Variants in CLEC6A observed in about 807,000 individuals in gnomAD.
The protein encoded by CLEC6A is C-type lectin domain containing 6A, also known as C-type lectin domain family 6 member A.
Under a neutral mutation model 25.7 loss-of-function variants are expected in CLEC6A, and 22 were observed. The ratio of observed to expected loss-of-function variants is 0.85; its 90% CI spans 0.61 to 1.22. The LOEUF (loss-of-function observed/expected upper bound fraction) is 1.22, where lower values mean the gene tolerates loss of function less well. Among genes scored for constraint, CLEC6A ranks in the 50% most tolerant of loss-of-function variants. The pLI is 0.00. For missense variants in CLEC6A, 240 were observed against 236.8 expected, an observed-to-expected ratio of 1.01 and a Z score of -0.09; for synonymous variants, 92 against 76.7, an observed-to-expected ratio of 1.20 and a Z score of -1.04.
At chr12:8,474,947 A>G (rs1024057329) in intron 4 of CLEC6A, among the ~76,000 whole-genome samples, 4 of 152,116 alleles carry the variant, frequency 2.6e-5, no homozygotes, top group Non-Finnish European at 4.4e-5. Context: ...GGTTTGTTAC[A>G]TAGGTATACA....
intron 4 of CLEC6A, among the ~76,000 whole-genome samples, chr12:8,469,365 C>G (rs1014749832): frequency 3.3e-5 from 5 of 151,870 alleles, no homozygotes; most frequent in Admixed American, 3.3e-4. Flanking sequence ...TTGCCAAAAG[C>G]AGTCTACAAA....
intron 3 of CLEC6A, chr12:8,460,783 A>G (rs1939743348): frequency 6.0e-6 from 8 of 1,341,014 alleles, no homozygotes; most frequent in South Asian, 3.5e-5. Context: ...CTACAAGGCC[A>G]AACAAGGTTA....
intron 1 of CLEC6A, 37 bp from the exon 2 acceptor site, chr12:8,457,861 C>T: frequency 6.6e-7 from 1 of 1,522,310 alleles, no homozygotes; most frequent in Non-Finnish European, 9.1e-7. Context: ...TCCCTGGCCC[C>T]CTGGTAACTG....
At chr12:8,470,963 C>T (rs769802210) in intron 4 of CLEC6A, among the ~76,000 whole-genome samples, 31 of 152,120 alleles carry the variant, frequency 2.0e-4, no homozygotes, top group Admixed American at 1.8e-3. Context: ...TGTTGAGATA[C>T]TTTCCTTCTG....
chr12:8,474,876 ACTTT>A (rs1327161121), intron 4 of CLEC6A, among the ~76,000 whole-genome samples: 7 of 152,078 alleles, frequency 4.6e-5, no homozygotes, highest in Non-Finnish European at 4.4e-5. Context: ...GTAATTTGCT[ACTTT>A]CTTTCTTTTT....
Position 8,476,109 on chromosome 12 carries a change from T to G in CLEC6A, c.370-16T>G. The G allele has an allele frequency of 6.4e-7, 1 of 1,557,674 alleles. No individual in the cohort carries two copies. The highest frequency in any genetic ancestry group is 2.2e-5 in the East Asian group (1 of 44,564). ...AAATACCAAAGTCTTTGACTCCTTTTTTTTCCTTCATGCAGAATTTCATTG... is the reference window on the plus strand; with the variant it reads ...AAATACCAAAGTCTTTGACTCCTTTGTTTTCCTTCATGCAGAATTTCATTG... On this transcript the variant is annotated splice_polypyrimidine_tract_variant and intron_variant, in intron 4 of 5. Coordinates refer to ENST00000382073, the MANE Select transcript of CLEC6A (RefSeq NM_001007033.2).
chr12:8,476,188 G>A lies in CLEC6A; in HGVS notation c.433G>A (p.Gly145Ser), dbSNP rs759122331. Reference sequence around the variant, plus strand: ...TTTTCTGGGGCTTTCAGACCCACAAGGTAATAATAATTGGCAATGGATTGA... The same window carrying A: ...TTTTCTGGGGCTTTCAGACCCACAAAGTAATAATAATTGGCAATGGATTGA... Reference protein sequence around the residue: ...SYFLGLSDPQGNNNWQWIDKT... With the variant: ...SYFLGLSDPQSNNNWQWIDKT... The change falls in exon 5 of 6, where the codon GGT (glycine) becomes AGT (serine). Residue 145 changes from glycine (G) to serine (S), a missense_variant. Physicochemically the swap from Gly to Ser is moderately conservative, Grantham distance 56. Transcript: ENST00000382073. 7.5e-6 allele frequency: 12 copies of A among 1,610,164 alleles called. 1 individual carries two copies. In the Middle Eastern group the frequency reaches 6.6e-4, roughly 89 times the overall value.
intron 4 of CLEC6A, among the ~76,000 whole-genome samples, chr12:8,472,309 G>T (rs750295133): frequency 1.3e-5 from 2 of 152,114 alleles, no homozygotes; most frequent in African/African-American, 2.4e-5. Flanking sequence ...GCAGTAATAA[G>T]CTGCCATGCT....
intron 4 of CLEC6A, among the ~76,000 whole-genome samples, chr12:8,470,879 C>A (rs193138017): frequency 1.3e-4 from 20 of 152,066 alleles, no homozygotes; most frequent in African/African-American, 4.1e-4. Flanking sequence ...ACCATATGTT[C>A]CCCCAAAACA....
intron 4 of CLEC6A, among the ~76,000 whole-genome samples, chr12:8,475,603 A>T (rs147114724): frequency 1.1e-4 from 16 of 152,094 alleles, no homozygotes; most frequent in African/African-American, 3.6e-4. Context: ...GGCAGGCAGG[A>T]AGAAATAAAA....
Position 8,459,646 on chromosome 12 carries a change from A to G in CLEC6A, c.171A>G (p.Leu57=). The change falls in exon 3 of 6, where the codon CTA becomes CTG. Residue 57 remains leucine (L), a synonymous_variant. Coordinates refer to ENST00000382073, the MANE Select transcript of CLEC6A (RefSeq NM_001007033.2). The stretch of plus-strand genomic sequence containing the variant: ...AAACTGGCAAAAGGCTGTCTGAACT[A>G]CACTCATATCATTCAAGTCTCACCT... ...YGETGKRLSE[L]HSYHSSLTCF... 1 of 1,613,764 alleles carries G rather than the reference A, an allele frequency of 6.2e-7. No homozygotes were observed. The highest frequency in any genetic ancestry group is 8.5e-7 in the Non-Finnish European group (1 of 1,179,616).
chr12:8,461,163 C>T, intron 3 of CLEC6A: 1 of 1,360,434 alleles, frequency 7.4e-7, no homozygotes, highest in Non-Finnish European at 1.0e-6. Flanking sequence ...AGTTCCACCA[C>T]ACTATTTGTG....
At chr12:8,470,535 T>C (rs1437802947) in intron 4 of CLEC6A, among the ~76,000 whole-genome samples, 1 of 152,048 alleles carries the variant, frequency 6.6e-6, no homozygotes, top group Non-Finnish European at 1.5e-5. Context: ...CCAGCCCAAA[T>C]GCCTGTCATT....
chr12:8,467,687 T>C (rs1229431870), intron 4 of CLEC6A, among the ~76,000 whole-genome samples: 1 of 152,226 alleles, frequency 6.6e-6, no homozygotes, highest in Non-Finnish European at 1.5e-5. Context: ...TGATATTCCA[T>C]ATGAACTTTA....
chr12:8,474,686 T>G (rs1195211942), intron 4 of CLEC6A, among the ~76,000 whole-genome samples: 1 of 152,180 alleles, frequency 6.6e-6, no homozygotes, highest in African/African-American at 2.4e-5. Context: ...GCCTTCAGGT[T>G]CAATTCAAAA....
intron 3 of CLEC6A, chr12:8,460,524 T>A (rs1056869578): frequency 1.5e-5 from 10 of 653,772 alleles, no homozygotes; most frequent in Non-Finnish European, 2.1e-5. Flanking sequence ...CAAGGTGAGA[T>A]TTGGGTGGAG....
intron 4 of CLEC6A, among the ~76,000 whole-genome samples, chr12:8,466,087 G>A (rs1292892755): frequency 6.6e-6 from 1 of 151,956 alleles, no homozygotes; most frequent in Non-Finnish European, 1.5e-5. Context: ...TATTTTCCAG[G>A]TTTATTGAAG....
chr12:8,460,665 T>C, intron 3 of CLEC6A: 1 of 1,495,116 alleles, frequency 6.7e-7, no homozygotes, highest in Non-Finnish European at 9.3e-7. Flanking sequence ...AGAAGCAGTC[T>C]GATGTCATGA....
chr12:8,471,403 C>A (rs902784672), intron 4 of CLEC6A, among the ~76,000 whole-genome samples: 1 of 151,986 alleles, frequency 6.6e-6, no homozygotes, highest in Non-Finnish European at 1.5e-5. Flanking sequence ...ACCAGTGAAG[C>A]CTTCTGATTC....
Sources: gnomAD v4.1 joint callset for allele counts (sites outside exome capture counted in the v4.1 genomes callset) on GRCh38, gnomAD v4.1.1 for gene constraint, MANE v1.5 for transcripts, NCBI Gene and HGNC (gene_info 2026-07-23, HGNC 2026-07-21) for gene names.